The following KCNK10 variants were observed in gnomAD, a reference collection of about 807,000 sequenced individuals.
The protein encoded by KCNK10 is potassium two pore domain channel subfamily K member 10.
In KCNK10, 25 loss-of-function variants were observed where a neutral mutation model predicts 47.7. The ratio of observed to expected loss-of-function variants is 0.52; its 90% CI spans 0.38 to 0.73. The LOEUF is 0.73. Ranked by LOEUF, KCNK10 falls within the 30% of genes least tolerant of loss-of-function variation. The pLI, the probability that KCNK10 is intolerant of heterozygous loss-of-function variation, is 0.00. For missense variants in KCNK10, 563 were observed against 714.5 expected, an observed-to-expected ratio of 0.79 and a Z score of 2.42; for synonymous variants, 303 against 285.6, an observed-to-expected ratio of 1.06 and a Z score of -0.61.
chr14:88,235,510 A>G (rs533116224), intron 3 of KCNK10, among the ~76,000 whole-genome samples: 1 of 152,224 alleles, frequency 6.6e-6, no homozygotes, highest in Non-Finnish European at 1.5e-5. Context: ...AAATGGAACA[A>G]CAAGTGAAGA....
intron 1 of KCNK10, among the ~76,000 whole-genome samples, chr14:88,282,413 G>C (rs1372531847): frequency 6.6e-6 from 1 of 152,218 alleles, no homozygotes; most frequent in Non-Finnish European, 1.5e-5. Flanking sequence ...TTTAGCTTGA[G>C]TTTCTCAATT....
At chr14:88,206,670 G>T (rs547921405) in intron 4 of KCNK10, among the ~76,000 whole-genome samples, 14 of 152,270 alleles carry the variant, frequency 9.2e-5, no homozygotes, top group African/African-American at 3.4e-4. Context: ...TGCATTCTAC[G>T]TATAGATGCC....
chr14:88,306,739 C>T (rs1888210506), intron 1 of KCNK10, among the ~76,000 whole-genome samples: 1 of 152,196 alleles, frequency 6.6e-6, no homozygotes, highest in African/African-American at 2.4e-5. Flanking sequence ...TGTTTCATTA[C>T]AATCTATTAT....
intron 4 of KCNK10, among the ~76,000 whole-genome samples, chr14:88,195,854 T>A (rs1392585801): frequency 6.6e-6 from 1 of 152,038 alleles, no homozygotes; most frequent in African/African-American, 2.4e-5. Flanking sequence ...CCCTGCCACA[T>A]CCCCCTGCCA....
rs891290534 is a variant in KCNK10 at position 88,305,699 on chromosome 14, C to T, written c.52+17048G>A. On this transcript the variant is annotated intron_variant, in intron 1 of 6. Transcript: ENST00000319231. ...TCCCCAGAAGCTGATCCTACAATTA[C>T]AATTTGAGCACAAGTGGTTTGTTTG... Among the ~76,000 whole-genome samples the T allele has an allele frequency of 1.8e-4, 27 of 152,244 alleles. 2 individuals are homozygous for T. The South Asian group carries it at 2.7e-3, about 15-fold the overall frequency.
chr14:88,324,788 G>A (rs1293295108), upstream of KCNK10, among the ~76,000 whole-genome samples: 1 of 152,166 alleles, frequency 6.6e-6, no homozygotes, highest in East Asian at 1.9e-4. Context: ...GGAGCCCTAT[G>A]TCAGCAGCAT....
intron 2 of KCNK10, among the ~76,000 whole-genome samples, chr14:88,255,378 T>A (rs1886922481): frequency 6.6e-6 from 1 of 152,072 alleles, no homozygotes; most frequent in Non-Finnish European, 1.5e-5. Context: ...TATTTCCTCA[T>A]CCATAAAATG....
At chr14:88,190,613 C>T (rs1008856868) in intron 5 of KCNK10, among the ~76,000 whole-genome samples, 10 of 151,800 alleles carry the variant, frequency 6.6e-5, no homozygotes, top group African/African-American at 2.4e-4. Context: ...GTCACACTGA[C>T]TAAAAATCAA....
chr14:88,293,686 T>C (rs367732327), intron 1 of KCNK10, among the ~76,000 whole-genome samples: 48 of 151,956 alleles, frequency 3.2e-4, no homozygotes, highest in South Asian at 1.9e-3. Context: ...CTCCTTCTTC[T>C]TTTTTATGGA....
chr14:88,186,400 G>T lies in KCNK10; in HGVS notation c.1012-245C>A, dbSNP rs528222934. 6.6e-6 allele frequency among the ~76,000 whole-genome samples: 1 copy of T among 152,314 alleles called. No homozygotes were observed. The highest frequency in any genetic ancestry group is 2.1e-4 in the South Asian group (1 of 4,828). On this transcript the variant is annotated intron_variant, in intron 6 of 6. Coordinates refer to ENST00000319231, the MANE Select transcript of KCNK10 (RefSeq NM_138317.3). This position sits in a 1 kb window ranked among gnomAD's most constrained non-coding sequence, Gnocchi z 5.5. ...TGGTGGGCAACCCCAAGAAGCCTCAGATTTGGAGATGGTGACTTAAAGAGA... is the reference window on the plus strand; with the variant it reads ...TGGTGGGCAACCCCAAGAAGCCTCATATTTGGAGATGGTGACTTAAAGAGA...
rs1366003814 is a variant in KCNK10 at position 88,322,212 on chromosome 14, G to A, written c.52+535C>T. ...GTAATAAGATTGAACGAAGACTCAG[G>A]AGGCCCTGTGGGCTCCATTATTCTG... On this transcript the variant is annotated intron_variant, in intron 1 of 6. Transcript: ENST00000319231. This position sits in a 1 kb window ranked among gnomAD's most constrained non-coding sequence, Gnocchi z 4.8. Among the ~76,000 whole-genome samples, 3 of 152,122 alleles carry A rather than the reference G, an allele frequency of 2.0e-5. No individual in the cohort carries two copies. Among genetic ancestry groups the A allele is most frequent in the African/African-American group, 2.4e-5 (1 of 41,428 alleles).
chr14:88,205,778 A>G (rs949332676), intron 4 of KCNK10, among the ~76,000 whole-genome samples: 1 of 151,954 alleles, frequency 6.6e-6, no homozygotes, highest in Non-Finnish European at 1.5e-5. Context: ...TCTTGACCTC[A>G]TGATCCGCCC....
rs541127508 is a variant in KCNK10 at position 88,295,716 on chromosome 14, A to G, written c.52+27031T>C. Among the ~76,000 whole-genome samples the G allele has an allele frequency of 1.1e-4, 16 of 152,234 alleles. No homozygotes were observed. In the East Asian group the frequency reaches 2.3e-3, roughly 22 times the overall value. ...ATTTATTTATTTCCTTGAGATCTAC[A>G]TGGGGTCAAAATCTAAAAGGAATTC... On this transcript the variant is annotated intron_variant, in intron 1 of 6. Coordinates refer to ENST00000319231, the MANE Select transcript of KCNK10 (RefSeq NM_138317.3).
At chr14:88,326,854 C>G (rs567213560), upstream of KCNK10, 125 of 225,084 alleles carry the variant, frequency 5.6e-4, 1 homozygote, top group African/African-American at 2.7e-3. Context: ...TCCCTTACCC[C>G]CTCCCCACGC....
At chr14:88,317,623 C>T (rs779153716) in intron 1 of KCNK10, among the ~76,000 whole-genome samples, 1 of 152,228 alleles carries the variant, frequency 6.6e-6, no homozygotes, top group East Asian at 1.9e-4. Context: ...CATCAAAAGG[C>T]CTAGGGTAGC....
intron 4 of KCNK10, among the ~76,000 whole-genome samples, chr14:88,213,635 AGAAGT>A (rs1393204951): frequency 1.3e-5 from 2 of 152,154 alleles, no homozygotes; most frequent in Admixed American, 6.5e-5. Flanking sequence ...TGGGATTCTA[AGAAGT>A]GATTATCTCT....
intron 1 of KCNK10, among the ~76,000 whole-genome samples, chr14:88,290,753 C>T (rs1300557538): frequency 6.6e-6 from 1 of 152,138 alleles, no homozygotes; most frequent in African/African-American, 2.4e-5. Context: ...TGCCAATGTC[C>T]CTATAAGGTA....
intron 2 of KCNK10, among the ~76,000 whole-genome samples, chr14:88,255,685 C>T (rs2073600806): frequency 6.6e-6 from 1 of 151,970 alleles, no homozygotes; most frequent in South Asian, 2.1e-4. Flanking sequence ...AGAAGCCAGC[C>T]TTCCAGGGAG....
At chr14:88,188,685 A>G (rs1278937463) in intron 5 of KCNK10, among the ~76,000 whole-genome samples, 1 of 152,164 alleles carries the variant, frequency 6.6e-6, no homozygotes, top group Non-Finnish European at 1.5e-5. Context: ...TGCTACTCCA[A>G]AGGGTCAGTT....
Sources: allele counts gnomAD v4.1 joint callset (sites outside exome capture counted in the v4.1 genomes callset), GRCh38; gene constraint gnomAD v4.1.1; non-coding constraint Gnocchi (gnomAD v3.1); transcripts MANE v1.5; gene names NCBI Gene and HGNC (gene_info 2026-07-23, HGNC 2026-07-21).